The following SOX6 variants were observed in gnomAD, a reference collection of about 807,000 sequenced individuals.
SOX6 encodes SRY-box transcription factor 6.
Under a neutral mutation model 97.8 loss-of-function variants are expected in SOX6, and 11 were observed. The observed-to-expected ratio is 0.11, with a 90% CI of 0.07 to 0.19. The LOEUF is 0.19. Among genes scored for constraint, SOX6 ranks in the 10% least tolerant of loss-of-function variants. The pLI is 1.00. For synonymous variants in SOX6, 360 were observed against 371.4 expected (o/e 0.97, Z 0.35); for missense variants, 810 against 1,039.5 (o/e 0.78, Z 3.04).
chr11:16,349,352 C>A (rs892675677), intron 1 of SOX6, among the ~76,000 whole-genome samples: 1 of 152,098 alleles, frequency 6.6e-6, no homozygotes, highest in South Asian at 2.1e-4. Flanking sequence ...TGAGGTGGCT[C>A]ATGCCTGTAA....
At chr11:16,654,560 G>A (rs1362032709) in intron 3 of SOX6, among the ~76,000 whole-genome samples, 2 of 152,074 alleles carry the variant, frequency 1.3e-5, no homozygotes, top group Non-Finnish European at 2.9e-5. Flanking sequence ...AAATCACTGG[G>A]ATTATAGACA....
At position 16,391,831 on chromosome 11, in the gene SOX6, T is replaced by C. The variant is rs552197980; in HGVS notation, c.-4-50579A>G. Reference sequence around the variant, plus strand: ...TGAGTGCTAGGTGCCTTTATCTTTCTATTTAATTTTTATAACTCTACCAAG... The same window carrying C: ...TGAGTGCTAGGTGCCTTTATCTTTCCATTTAATTTTTATAACTCTACCAAG... On this transcript the variant is annotated intron_variant, in intron 1 of 15. Transcript: ENST00000396356. Among the ~76,000 whole-genome samples the C allele has an allele frequency of 7.9e-5, 12 of 152,200 alleles. No individual in the cohort carries two copies. In the South Asian group the frequency reaches 2.1e-3, roughly 26 times the overall value.
At chr11:16,553,164 G>A (rs945361041) in intron 4 of SOX6, among the ~76,000 whole-genome samples, 2 of 152,102 alleles carry the variant, frequency 1.3e-5, no homozygotes, top group East Asian at 1.9e-4. Flanking sequence ...CAAAACTGGG[G>A]CTTAGCAGAA....
chr11:16,630,313 A>C (rs781174094), intron 3 of SOX6, among the ~76,000 whole-genome samples: 4 of 152,068 alleles, frequency 2.6e-5, no homozygotes, highest in African/African-American at 4.8e-5. Context: ...TTTTCAAATA[A>C]TGTGTTTATT....
At chr11:16,519,989 C>T (rs940010701) in intron 4 of SOX6, among the ~76,000 whole-genome samples, 2 of 152,096 alleles carry the variant, frequency 1.3e-5, no homozygotes, top group Non-Finnish European at 2.9e-5. Flanking sequence ...TGGCCACTTA[C>T]ATGTCTTCTT....
chr11:16,517,130 C>A (rs942304824), intron 4 of SOX6, among the ~76,000 whole-genome samples: 2 of 144,332 alleles, frequency 1.4e-5, no homozygotes, highest in East Asian at 2.0e-4. Context: ...ATTCAACAAC[C>A]CTTCATGCTA....
intron 4 of SOX6, among the ~76,000 whole-genome samples, chr11:16,500,774 G>A (rs1299430348): frequency 6.6e-6 from 1 of 152,078 alleles, no homozygotes; most frequent in Admixed American, 6.6e-5. Context: ...ACCTCATCAA[G>A]GAGAACCACA....
chr11:16,196,343 A>T (rs934656932), intron 4 of SOX6, among the ~76,000 whole-genome samples: 3 of 152,230 alleles, frequency 2.0e-5, no homozygotes, highest in African/African-American at 7.2e-5. Flanking sequence ...CTTAACCACT[A>T]TGATAAATGG....
At chr11:16,608,171 G>A (rs547260272) in intron 4 of SOX6, among the ~76,000 whole-genome samples, 2 of 152,168 alleles carry the variant, frequency 1.3e-5, no homozygotes, top group South Asian at 4.1e-4. Flanking sequence ...GGAGGAGTCA[G>A]GAGAAAGGCA....
chr11:16,165,828 G>A (rs1359938684), intron 6 of SOX6, among the ~76,000 whole-genome samples: 2 of 151,888 alleles, frequency 1.3e-5, no homozygotes, highest in Non-Finnish European at 1.5e-5. Flanking sequence ...AACCTGGGAG[G>A]TGGAGGTTGC....
At chr11:16,325,232 G>T (rs1856048938) in intron 2 of SOX6, among the ~76,000 whole-genome samples, 1 of 151,704 alleles carries the variant, frequency 6.6e-6, no homozygotes, top group Non-Finnish European at 1.5e-5. Context: ...TATTCACAAG[G>T]AAAGATGTAT....
At position 15,981,711 on chromosome 11, in the gene SOX6, A is replaced by T. The variant is rs1834733159; in HGVS notation, c.2183+4493T>A. 2.0e-5 allele frequency among the ~76,000 whole-genome samples: 3 copies of T among 152,128 alleles called. No homozygotes were observed. The South Asian group carries it at 6.2e-4, about 31-fold the overall frequency. Reference sequence around the variant, plus strand: ...TTTATAGGTGTCTTAAATAGGATTGATTCGACCTCTTTAAAATTAAGATTA... The same window carrying T: ...TTTATAGGTGTCTTAAATAGGATTGTTTCGACCTCTTTAAAATTAAGATTA... On this transcript the variant is annotated intron_variant, in intron 15 of 15. Transcript: ENST00000683767.
intron 4 of SOX6, among the ~76,000 whole-genome samples, chr11:16,538,599 C>A (rs749106572): frequency 6.6e-6 from 1 of 151,934 alleles, no homozygotes; most frequent in East Asian, 1.9e-4. Flanking sequence ...CAGAGACACA[C>A]ATAGGCTCAA....
intron 9 of SOX6, among the ~76,000 whole-genome samples, chr11:16,079,617 AT>A (rs1399417806): frequency 1.3e-5 from 2 of 152,154 alleles, no homozygotes; most frequent in African/African-American, 4.8e-5. Flanking sequence ...ATAAGGAAGT[AT>A]TTTGAATTTA....
At chr11:16,112,100 C>G (rs1050755336) in intron 6 of SOX6, among the ~76,000 whole-genome samples, 177 bp from the exon 7 acceptor site, 1 of 152,164 alleles carries the variant, frequency 6.6e-6, no homozygotes, top group African/African-American at 2.4e-5. Context: ...TTCTGAGATG[C>G]TAATAGCATA....
chr11:16,646,579 G>A lies in SOX6; in HGVS notation n.430-34319C>T, dbSNP rs189247444. Among the ~76,000 whole-genome samples, 17 of 151,750 alleles carry A rather than the reference G, an allele frequency of 1.1e-4. 1 individual carries two copies. The East Asian group carries it at 3.3e-3, about 29-fold the overall frequency. ...GATTCTGGTGTACCCATCATCTGAG[G>A]AGTATACACTGAACCCAATTTGTAG... On this transcript the variant is annotated intron_variant and non_coding_transcript_variant, in intron 3 of 5. Transcript: ENST00000524520.
chr11:16,250,755 T>C (rs545888316), intron 3 of SOX6, among the ~76,000 whole-genome samples: 16 of 151,952 alleles, frequency 1.1e-4, no homozygotes, highest in Non-Finnish European at 2.1e-4. Flanking sequence ...CATAGCTGCC[T>C]CAATAGAATA....
intron 1 of SOX6, among the ~76,000 whole-genome samples, chr11:16,454,171 G>A (rs911124338): frequency 6.6e-6 from 1 of 152,022 alleles, no homozygotes; most frequent in Non-Finnish European, 1.5e-5. Context: ...CATAACTCAC[G>A]TACCAGGAGT....
intron 12 of SOX6, among the ~76,000 whole-genome samples, chr11:16,032,417 C>T (rs1330302893): frequency 6.6e-6 from 1 of 152,046 alleles, no homozygotes; most frequent in African/African-American, 2.4e-5. Context: ...GTCACAAATG[C>T]CTATAAATTA....
Sources: gnomAD v4.1 joint callset for allele counts (sites outside exome capture counted in the v4.1 genomes callset) on GRCh38, gnomAD v4.1.1 for gene constraint, MANE v1.5 for transcripts, NCBI Gene and HGNC (gene_info 2026-07-23, HGNC 2026-07-21) for gene names.